The following FGF12 variants were observed in gnomAD, a reference collection of about 807,000 sequenced individuals.
FGF12 encodes fibroblast growth factor 12.
In FGF12, 14 loss-of-function variants were observed where a neutral mutation model predicts 23.6. The ratio of observed to expected loss-of-function variants is 0.59; its 90% CI spans 0.39 to 0.93. The LOEUF is 0.93. FGF12 is among the 40% of genes least tolerant of loss of function. The pLI is 0.00. For synonymous variants in FGF12, 62 were observed against 77.3 expected (o/e 0.80, Z 1.04); for missense variants, 175 against 217.8 (o/e 0.80, Z 1.24).
chr3:192,439,834 G>A (rs770793122), intron 2 of FGF12, among the ~76,000 whole-genome samples: 20 of 151,942 alleles, frequency 1.3e-4, no homozygotes, highest in Non-Finnish European at 2.5e-4. Context: ...AAATTTAGCC[G>A]GGTGTGGTGG....
intron 4 of FGF12, among the ~76,000 whole-genome samples, chr3:192,216,146 GTATTGT>G (rs576526932): frequency 2.8e-3 from 423 of 152,232 alleles, no homozygotes; most frequent in African/African-American, 0.01. Context: ...ACAATGTAGT[GTATTGT>G]TATATTCAAT....
intron 2 of FGF12, among the ~76,000 whole-genome samples, chr3:192,470,513 C>T (rs1031694193): frequency 6.6e-6 from 1 of 151,904 alleles, no homozygotes; most frequent in Non-Finnish European, 1.5e-5. Flanking sequence ...CTCGGCCCCC[C>T]GAATATCTGG....
intron 2 of FGF12, among the ~76,000 whole-genome samples, chr3:192,602,126 G>T (rs537279750): frequency 6.6e-6 from 1 of 152,094 alleles, no homozygotes; most frequent in Admixed American, 6.6e-5. Context: ...TGTCAATGTA[G>T]GTTCACCAAT....
intron 4 of FGF12, among the ~76,000 whole-genome samples, chr3:192,273,560 A>G (rs1183428261): frequency 6.6e-6 from 1 of 152,056 alleles, no homozygotes; most frequent in Non-Finnish European, 1.5e-5. Context: ...TCTTGGCATT[A>G]TTGGTTGTTT....
intron 4 of FGF12, among the ~76,000 whole-genome samples, chr3:192,291,541 C>T (rs1714759204): frequency 6.6e-6 from 1 of 151,656 alleles, no homozygotes; most frequent in Non-Finnish European, 1.5e-5. Flanking sequence ...CAAGGTTGCA[C>T]CAATGCATTC....
At chr3:192,246,797 C>A (rs1395622257) in intron 4 of FGF12, among the ~76,000 whole-genome samples, 1 of 140,508 alleles carries the variant, frequency 7.1e-6, no homozygotes, top group African/African-American at 2.7e-5. Context: ...TGTACTCCAG[C>A]CTGGGTGACA....
At chr3:192,714,149 T>C (rs1718784821) in intron 2 of FGF12, among the ~76,000 whole-genome samples, 1 of 151,194 alleles carries the variant, frequency 6.6e-6, no homozygotes, top group Non-Finnish European at 1.5e-5. Flanking sequence ...TATAAATAGC[T>C]ACTATTATTA....
At chr3:192,698,329 A>T (rs746830241) in intron 2 of FGF12, among the ~76,000 whole-genome samples, 1 of 152,202 alleles carries the variant, frequency 6.6e-6, no homozygotes, top group Admixed American at 6.6e-5. Context: ...GGACTAGGAG[A>T]TAAATGAAGT....
At chr3:192,395,569 T>C (rs1720481893) in intron 2 of FGF12, among the ~76,000 whole-genome samples, 1 of 152,262 alleles carries the variant, frequency 6.6e-6, no homozygotes, top group Non-Finnish European at 1.5e-5. Flanking sequence ...TGATGAATTA[T>C]TTCTGATCAC....
intron 2 of FGF12, among the ~76,000 whole-genome samples, chr3:192,512,859 T>TATATATATATATATATATATATATGTAA (rs376386122): frequency 1.7e-5 from 1 of 57,434 alleles, no homozygotes; most frequent in African/African-American, 6.5e-5. Flanking sequence ...TATATATATA[T>TATATATATATATATATATATATATGTAA]AACAGGCTAT....
At chr3:192,290,608 A>G (rs1714704660) in intron 4 of FGF12, among the ~76,000 whole-genome samples, 1 of 152,166 alleles carries the variant, frequency 6.6e-6, no homozygotes, top group South Asian at 2.1e-4. Flanking sequence ...ACACTAACAG[A>G]GTATTCATTT....
chr3:192,163,854 T>TGTGTGTGTG (rs1230107744), intron 5 of FGF12, among the ~76,000 whole-genome samples: 1 of 150,794 alleles, frequency 6.6e-6, no homozygotes, highest in Admixed American at 6.6e-5. Context: ...TGTGTGTGTG[T>TGTGTGTGTG]TAGTACTGTC....
At chr3:192,249,795 T>C (rs1347825450) in intron 4 of FGF12, among the ~76,000 whole-genome samples, 1 of 152,186 alleles carries the variant, frequency 6.6e-6, no homozygotes, top group Non-Finnish European at 1.5e-5. Context: ...CCTCTCAATG[T>C]TGTCTGAACA....
At chr3:192,226,194 C>T (rs1718723658) in intron 4 of FGF12, among the ~76,000 whole-genome samples, 1 of 152,136 alleles carries the variant, frequency 6.6e-6, no homozygotes, top group African/African-American at 2.4e-5. Context: ...CTAAGTGAAC[C>T]ATTGCTCTTT....
chr3:192,448,150 G>C (rs1006085239), intron 2 of FGF12, among the ~76,000 whole-genome samples: 3 of 152,158 alleles, frequency 2.0e-5, no homozygotes, highest in Non-Finnish European at 2.9e-5. Context: ...AGCCACGGAA[G>C]GACACTTGGG....
At chr3:192,173,744 A>G (rs1715704894) in intron 4 of FGF12, among the ~76,000 whole-genome samples, 1 of 152,146 alleles carries the variant, frequency 6.6e-6, no homozygotes, top group Non-Finnish European at 1.5e-5. Flanking sequence ...AAGATTTCAG[A>G]CTTTATAAAG....
chr3:192,448,114 C>T (rs1285049749), intron 2 of FGF12, among the ~76,000 whole-genome samples: 1 of 152,176 alleles, frequency 6.6e-6, no homozygotes, highest in South Asian at 2.1e-4. Flanking sequence ...TATAAGCACA[C>T]ATTTATATGT....
intron 5 of FGF12, among the ~76,000 whole-genome samples, chr3:192,148,597 T>G (rs1363171759): frequency 6.6e-6 from 1 of 152,184 alleles, no homozygotes; most frequent in African/African-American, 2.4e-5. Context: ...ATTAAAATGG[T>G]AAATTTTGTA....
intron 2 of FGF12, among the ~76,000 whole-genome samples, chr3:192,433,527 T>C (rs1721925925): frequency 6.6e-6 from 1 of 152,242 alleles, no homozygotes; most frequent in African/African-American, 2.4e-5. Context: ...TTCTTTATAA[T>C]TTTTGTCTGT....
Sources: gnomAD v4.1 joint callset for allele counts (sites outside exome capture counted in the v4.1 genomes callset) on GRCh38, gnomAD v4.1.1 for gene constraint, MANE v1.5 for transcripts, NCBI Gene and HGNC (gene_info 2026-07-23, HGNC 2026-07-21) for gene names.